Variants in KRI1 observed in about 807,000 individuals in gnomAD.
The protein encoded by KRI1 is KRI1 homolog, also known as protein KRI1 homolog.
A neutral mutation model predicts 97.0 loss-of-function variants in KRI1; 83 were observed. The ratio of observed to expected loss-of-function variants is 0.86; its 90% CI spans 0.72 to 1.03. KRI1 has a LOEUF of 1.03. KRI1 is among the 50% of genes least tolerant of loss of function. KRI1 has a pLI of 0.00. For synonymous variants in KRI1, 371 were observed against 363.5 expected (o/e 1.02, Z -0.23); for missense variants, 916 against 928.4 (o/e 0.99, Z 0.17).
At chr19:10,564,374 C>T (rs1009504741) in intron 3 of KRI1, among the ~76,000 whole-genome samples, 1 of 151,992 alleles carries the variant, frequency 6.6e-6, no homozygotes, top group East Asian at 1.9e-4. Context: ...GCAGGAGAAT[C>T]GCTTGAACCT....
chr19:10,561,246 C>A lies in KRI1; in HGVS notation c.508G>T (p.Asp170Tyr). ...CCAGCGCCGTCCTCGTCCTCACTGT[C>A]CTCCACAAATGCCCGGAAGCTGCCC... is the stretch of plus-strand genomic sequence containing the variant. ...LKESFRAFVE[D>Y]SEDEDGAGEG... The change falls in exon 7 of 19, where the codon GAC becomes TAC. Residue 170 changes from aspartate to tyrosine, a missense_variant. By Grantham distance (160) the Asp-to-Tyr change is radical. Around this residue, in one of 3 missense-constraint regions of KRI1, gnomAD observed 71 missense variants for 108.1 expected, o/e 0.66. Coordinates refer to ENST00000312962, the MANE Select transcript of KRI1 (RefSeq NM_023008.5). 6.2e-7 allele frequency: 1 copy of A among 1,614,110 alleles called. No homozygotes were observed. The highest frequency in any genetic ancestry group is 8.5e-7 in the Non-Finnish European group (1 of 1,180,032).
intron 9 of KRI1, 125 bp from the exon 10 acceptor site, chr19:10,560,061 G>C (rs1256123248): frequency 1.6e-6 from 2 of 1,274,876 alleles, no homozygotes; most frequent in African/African-American, 3.0e-5. Flanking sequence ...CAAGGTGCAC[G>C]CTGCTATTGT....
intron 2 of KRI1, chr19:10,565,382 G>A (rs1916831837): frequency 5.9e-6 from 3 of 512,448 alleles, no homozygotes; most frequent in Admixed American, 3.8e-5. Context: ...GCTGATGTGA[G>A]AAGTTGGGCG....
At chr19:10,562,174 C>A (rs1916722847) in intron 4 of KRI1, among the ~76,000 whole-genome samples, 1 of 151,540 alleles carries the variant, frequency 6.6e-6, no homozygotes, top group South Asian at 2.1e-4. Context: ...TCAGCCTCCC[C>A]ACGTAGCTGG....
rs754917381 is a variant in KRI1, at chr19:10,561,029, G to A, written c.637C>T (p.Arg213Trp). Reference protein sequence around the residue: ...IEWLKGQKEIRNPDSLKELTH... With the variant: ...IEWLKGQKEIWNPDSLKELTH... Reference sequence around the variant, plus strand: ...AGTTCCTTCAGGGAATCTGGGTTCCGAATCTCTTTCTGTCCCTTCAGCCAC... The same window carrying A: ...AGTTCCTTCAGGGAATCTGGGTTCCAAATCTCTTTCTGTCCCTTCAGCCAC... Residue 213 changes from arginine (R) to tryptophan (W), a missense_variant, in exon 8 of 19, where the codon CGG (arginine) becomes TGG (tryptophan). By Grantham distance (101) the Arg-to-Trp change is moderately radical. Transcript: ENST00000312962. The A allele has an allele frequency of 9.3e-6, 15 of 1,614,066 alleles. No individual in the cohort carries two copies. In the South Asian group the frequency reaches 9.9e-5, roughly 11 times the overall value.
chr19:10,554,270 G>A lies in KRI1; in HGVS notation c.1793C>T (p.Pro598Leu). The A allele has an allele frequency of 6.2e-7, 1 of 1,613,806 alleles. No homozygotes were observed. The highest frequency in any genetic ancestry group is 8.5e-7 in the Non-Finnish European group (1 of 1,180,010). Reference protein sequence around the residue: ...KSLCREEAETPAEATGKPQRD... With the variant: ...KSLCREEAETLAEATGKPQRD... ...CTGTGGCTTCCCTGTGGCTTCCGCA[G>A]GTGTCTCTGCCCTGAGGGAGAAAAG... is the stretch of plus-strand genomic sequence containing the variant. Residue 598 changes from proline to leucine, a missense_variant, in exon 19 of 19, where the codon CCT becomes CTT. By Grantham distance (98) the Pro-to-Leu change is moderately conservative. Around this residue, in one of 3 missense-constraint regions of KRI1, gnomAD observed 672 missense variants for 667.2 expected, o/e 1.01. Transcript: ENST00000312962.
At position 10,565,892 on chromosome 19, in the gene KRI1, C is replaced by G. The variant is rs745632928; in HGVS notation, c.94+14G>C. The G allele has an allele frequency of 6.5e-7, 1 of 1,530,566 alleles. No homozygotes were observed. Among genetic ancestry groups the G allele is most frequent in the South Asian group, 1.2e-5 (1 of 82,410 alleles). The allele number at this position is 1,530,566 out of a possible 1,614,324, so 94.8% of individuals were successfully genotyped here. ...GCGCGCGCAGGCTCCCGCGCGCATG[C>G]GCCCCGCACTCACGCCGCTGCAGTT... On this transcript the variant is annotated intron_variant, in intron 1 of 18. Coordinates refer to ENST00000312962, the MANE Select transcript of KRI1 (RefSeq NM_023008.5).
rs113448385 is a variant in KRI1, at chr19:10,563,513, T to C, written c.275-676A>G. Among the ~76,000 whole-genome samples, 746 of 150,882 alleles carry C rather than the reference T, an allele frequency of 4.9e-3. 4 individuals are homozygous for C. Among genetic ancestry groups the C allele is most frequent in the African/African-American group, 0.018 (721 of 41,020 alleles). The stretch of plus-strand genomic sequence containing the variant: ...GGTGTGCACCACCACGCCCAGCTAA[T>C]TTTTGTTATTTTTAGTAGAGATGGG... On this transcript the variant is annotated intron_variant, in intron 3 of 18. Coordinates refer to ENST00000312962, the MANE Select transcript of KRI1 (RefSeq NM_023008.5).
At chr19:10,555,027 A>T (rs1599529407) in intron 18 of KRI1, 60 bp downstream of exon 18, 2 of 1,391,966 alleles carry the variant, frequency 1.4e-6, no homozygotes, top group East Asian at 4.6e-5. Context: ...GACGGAGCCA[A>T]GACTCAAGCC....
At chr19:10,565,173 C>A in intron 2 of KRI1, 139 bp from the exon 3 acceptor site, 1 of 677,324 alleles carries the variant, frequency 1.5e-6, no homozygotes, top group Non-Finnish European at 2.6e-6. Context: ...GGTCAAACAG[C>A]AGGAGGGAGA....
chr19:10,564,736 G>A (rs3826708), intron 3 of KRI1, among the ~76,000 whole-genome samples, 193 bp downstream of exon 3: 21,633 of 152,164 alleles, frequency 0.14, 1,662 homozygotes, highest in Middle Eastern at 0.18. Flanking sequence ...CAAAACAGAT[G>A]AACTGTGTAA....
chr19:10,557,343 G>A (rs1274588501), intron 16 of KRI1, among the ~76,000 whole-genome samples: 1 of 152,056 alleles, frequency 6.6e-6, no homozygotes. Flanking sequence ...CTGACCTCAG[G>A]TGATCCACTT....
rs559791978 is a variant in KRI1, at chr19:10,558,687, C to T, written c.1195-448G>A. Among the ~76,000 whole-genome samples, 486 of 151,924 alleles carry T rather than the reference C, an allele frequency of 3.2e-3. 3 individuals are homozygous for T. The highest frequency in any genetic ancestry group is 4.8e-3 in the Non-Finnish European group (329 of 67,934). ...CCTCCGGAATAGCTGGGATTACAGG[C>T]ATGTGCCACCACGCCCGGCTAAGAT... On this transcript the variant is annotated intron_variant, in intron 12 of 18. Coordinates refer to ENST00000312962, the MANE Select transcript of KRI1 (RefSeq NM_023008.5).
chr19:10,561,878 T>A, intron 4 of KRI1, 33 bp from the exon 5 acceptor site: 2 of 1,605,356 alleles, frequency 1.2e-6, no homozygotes, highest in Non-Finnish European at 8.5e-7. Context: ...TCAGAATATA[T>A]CTTCCAGGGC....
In KRI1 at chr19:10,557,607, C is replaced by T; in HGVS notation, c.1562G>A (p.Cys521Tyr). The T allele has an allele frequency of 3.7e-6, 6 of 1,614,188 alleles. No homozygotes were observed. The highest frequency in any genetic ancestry group is 3.4e-6 in the Non-Finnish European group (4 of 1,180,012). Residue 521 changes from cysteine (C) to tyrosine (Y), a missense_variant, in exon 16 of 19, where the codon TGT becomes TAT. Around this residue, in one of 3 missense-constraint regions of KRI1, gnomAD observed 672 missense variants for 667.2 expected, o/e 1.01. Coordinates refer to ENST00000312962, the MANE Select transcript of KRI1 (RefSeq NM_023008.5). ...DYEDIIDDLP[C>Y]RFKYRTVVPC... ...CACCACTGTGCGGTACTTGAAGCGA[C>T]AGGGCAGGTCGTCGATGATGTCCTC...
At chr19:10,564,894 A>G in intron 3 of KRI1, 35 bp downstream of exon 3, 1 of 1,340,804 alleles carries the variant, frequency 7.5e-7, no homozygotes, top group African/African-American at 1.4e-5. Context: ...TCTGCTCCAG[A>G]GGAAGGAGAG....
chr19:10,557,448 T>C, intron 16 of KRI1, 104 bp downstream of exon 16: 1 of 1,253,116 alleles, frequency 8.0e-7, no homozygotes, highest in South Asian at 1.4e-5. Flanking sequence ...CCTGCCATGT[T>C]GTGGCATTTC....
intron 8 of KRI1, 41 bp downstream of exon 8, chr19:10,560,962 C>A (rs375454022): frequency 6.5e-5 from 96 of 1,476,912 alleles, no homozygotes; most frequent in Non-Finnish European, 8.7e-5. Flanking sequence ...GGACGCGGAA[C>A]ACGCGGTCTA....
Position 10,553,301 on chromosome 19 carries a change from C to T in KRI1, c.*650G>A. On this transcript the variant is annotated 3_prime_UTR_variant, in exon 19 of 19. Transcript: ENST00000312962. ...GGTAGGGAAGGAGGACCCCGGGCACCCCCCTCAGGGCCTGACTCACGTACT... is the reference window on the plus strand; with the variant it reads ...GGTAGGGAAGGAGGACCCCGGGCACTCCCCTCAGGGCCTGACTCACGTACT... The T allele has an allele frequency of 1.9e-6, 1 of 532,512 alleles. No individual in the cohort carries two copies. The highest frequency in any genetic ancestry group is 3.3e-6 in the Non-Finnish European group (1 of 306,134). 33.0% of individuals were successfully genotyped at this position (532,512 alleles called of 1,614,324 possible). A position where few individuals can be genotyped will look rare whatever the true frequency, so the allele number is the denominator to read the frequency against.
Sources: allele counts gnomAD v4.1 joint callset (sites outside exome capture counted in the v4.1 genomes callset), GRCh38; gene constraint gnomAD v4.1.1; regional missense constraint gnomAD v4.1.1; transcripts MANE v1.5; gene names NCBI Gene and HGNC (gene_info 2026-07-23, HGNC 2026-07-21).